Variants in AP4S1 observed in about 807,000 individuals in gnomAD.
AP4S1 encodes the protein AP-4 complex subunit sigma-1.
AP4S1 carries 23 observed loss-of-function variants against 19.8 expected under a neutral mutation model. That is an observed-to-expected ratio of 1.16 (90% CI 0.84 to 1.65). The LOEUF is 1.65. AP4S1 is among the 40% of genes most tolerant of loss of function. The pLI is 0.00. For missense variants in AP4S1, 166 were observed against 172.8 expected (o/e 0.96, Z 0.22); for synonymous variants, 46 against 54.1 (o/e 0.85, Z 0.66).
At chr14:31,025,426 G>A (rs981657759), upstream of AP4S1, 10 of 166,166 alleles carry the variant, frequency 6.0e-5, no homozygotes, top group South Asian at 1.1e-4. Context: ...AAGTCTGAGG[G>A]AGGGGGCCAG....
chr14:31,074,040 G>T (rs1887207316), intron 4 of AP4S1, among the ~76,000 whole-genome samples: 1 of 151,954 alleles, frequency 6.6e-6, no homozygotes, highest in Non-Finnish European at 1.5e-5. Context: ...CATTTAAAGT[G>T]TGTAATTGGC....
intron 1 of AP4S1, among the ~76,000 whole-genome samples, chr14:31,048,720 C>T (rs1594650665): frequency 6.6e-6 from 1 of 152,040 alleles, no homozygotes; most frequent in African/African-American, 2.4e-5. Context: ...GCCTGGGTGA[C>T]AGTGAGACTC....
At chr14:31,085,097 TC>T in intron 5 of AP4S1, 1 of 1,379,510 alleles carries the variant, frequency 7.2e-7, no homozygotes, top group Non-Finnish European at 9.4e-7. Flanking sequence ...CAGGGGCTCC[TC>T]GGGCCCTGTG....
intron 1 of AP4S1, among the ~76,000 whole-genome samples, chr14:31,060,298 A>C (rs1354646572): frequency 2.6e-5 from 4 of 152,026 alleles, no homozygotes; most frequent in African/African-American, 9.7e-5. Flanking sequence ...CACGGGGCCT[A>C]CTGTGGGACT....
intron 1 of AP4S1, chr14:31,026,221 C>G: frequency 7.2e-7 from 1 of 1,381,496 alleles, no homozygotes; most frequent in Non-Finnish European, 9.3e-7. Flanking sequence ...CAGGGCGAGA[C>G]GCCGACAGCT....
chr14:31,063,364 A>C (rs1886546211), intron 1 of AP4S1, among the ~76,000 whole-genome samples: 1 of 152,104 alleles, frequency 6.6e-6, no homozygotes, highest in South Asian at 2.1e-4. Flanking sequence ...CAGGAGGCAG[A>C]GGTTGCAGTG....
chr14:31,050,541 C>A (rs1422768796), intron 1 of AP4S1, among the ~76,000 whole-genome samples: 1 of 152,006 alleles, frequency 6.6e-6, no homozygotes, highest in East Asian at 1.9e-4. Context: ...AACTCCTGGC[C>A]TCAAGCAATT....
chr14:31,026,217 G>T (rs1344656839), intron 1 of AP4S1: 1 of 1,385,570 alleles, frequency 7.2e-7, no homozygotes, highest in Non-Finnish European at 9.3e-7. Context: ...GGCGCAGGGC[G>T]AGACGCCGAC....
intron 5 of AP4S1, among the ~76,000 whole-genome samples, chr14:31,083,976 G>A (rs1238033503): frequency 1.3e-5 from 2 of 152,184 alleles, no homozygotes; most frequent in African/African-American, 2.4e-5. Flanking sequence ...GTGGAGGGGC[G>A]TAGACATCCT....
chr14:31,083,678 A>T (rs80218333), intron 5 of AP4S1: 2 of 390,638 alleles, frequency 5.1e-6, no homozygotes, highest in Non-Finnish European at 5.1e-6. Context: ...CTAATTTTTT[A>T]AATTTATTTT....
chr14:31,025,832 G>A, intron 1 of AP4S1, 45 bp downstream of exon 1: 3 of 1,539,850 alleles, frequency 1.9e-6, no homozygotes, highest in Non-Finnish European at 2.6e-6. Flanking sequence ...CGGCTGAGTG[G>A]AGTCCCCAGC....
chr14:31,080,707 T>G, intron 5 of AP4S1, 123 bp downstream of exon 5: 1 of 1,382,380 alleles, frequency 7.2e-7, no homozygotes, highest in South Asian at 1.2e-5. Flanking sequence ...CCAACAACTA[T>G]GACAAGACAG....
chr14:31,077,082 A>T (rs1433257932), intron 4 of AP4S1, among the ~76,000 whole-genome samples: 1 of 151,996 alleles, frequency 6.6e-6, no homozygotes, highest in African/African-American at 2.4e-5. Flanking sequence ...GGCATGCGCC[A>T]CCACGCCTGG....
intron 1 of AP4S1, among the ~76,000 whole-genome samples, chr14:31,035,951 C>T (rs974521827): frequency 1.3e-5 from 2 of 151,836 alleles, no homozygotes; most frequent in African/African-American, 2.4e-5. Flanking sequence ...AGGATGGTCT[C>T]GATATCCTGA....
Position 31,035,935 on chromosome 14 carries a change from T to G in AP4S1, c.-72+10148T>G, listed in dbSNP as rs1029806893. 5.9e-5 allele frequency among the ~76,000 whole-genome samples: 9 copies of G among 152,136 alleles called. No individual in the cohort carries two copies. The East Asian group carries it at 1.5e-3, about 26-fold the overall frequency. On this transcript the variant is annotated intron_variant, in intron 1 of 5. Coordinates refer to ENST00000542754, the MANE Select transcript of AP4S1 (RefSeq NM_001128126.3). ...TTGGTAGAGACGGGGTTTCACCATG[T>G]TAGCCAGGATGGTCTCGATATCCTG... is the stretch of plus-strand genomic sequence containing the variant.
chr14:31,049,468 T>C (rs185422823), intron 1 of AP4S1, among the ~76,000 whole-genome samples: 13,281 of 49,144 alleles, frequency 0.27, 1,820 homozygotes, highest in Non-Finnish European at 0.33. Flanking sequence ...TATATGTATA[T>C]ATATGTACAC....
chr14:31,050,374 T>G (rs1448419544), intron 1 of AP4S1, among the ~76,000 whole-genome samples: 3 of 152,230 alleles, frequency 2.0e-5, no homozygotes, highest in African/African-American at 7.2e-5. Flanking sequence ...TGTTTATTTT[T>G]TTACTTGGAG....
At chr14:31,031,091 AGGGC>A (rs1884362815) in intron 1 of AP4S1, among the ~76,000 whole-genome samples, 2 of 152,146 alleles carry the variant, frequency 1.3e-5, no homozygotes, top group African/African-American at 4.8e-5. Context: ...GGTTTTATAA[AGGGC>A]TCTTCTCCCT....
Position 31,069,838 on chromosome 14 carries a change from T to G in AP4S1, c.139-5T>G, listed in dbSNP as rs746222000. 2 of 1,604,098 alleles carry G rather than the reference T, an allele frequency of 1.2e-6. No homozygotes were observed. The highest frequency in any genetic ancestry group is 1.7e-6 in the Non-Finnish European group (2 of 1,170,902). On this transcript the variant is annotated splice_polypyrimidine_tract_variant and splice_region_variant and intron_variant, in intron 2 of 5. Coordinates refer to ENST00000542754, the MANE Select transcript of AP4S1 (RefSeq NM_001128126.3). ...GGAATTAATATCTCATTGTGTTTTG[T>G]CTAGTGCTCTTTCATTGAATATAAG...
Sources: allele counts gnomAD v4.1 joint callset (sites outside exome capture counted in the v4.1 genomes callset), GRCh38; gene constraint gnomAD v4.1.1; transcripts MANE v1.5; gene names NCBI Gene and HGNC (gene_info 2026-07-23, HGNC 2026-07-21).